Variants in NCOR1 observed in about 807,000 individuals in gnomAD.
The protein encoded by NCOR1 is protein phosphatase 1, regulatory subunit 109.
In NCOR1, 63 loss-of-function variants were observed where a neutral mutation model predicts 288.1. The ratio of observed to expected loss-of-function variants is 0.22; its 90% confidence interval spans 0.18 to 0.27. The LOEUF is 0.27. Ranked by LOEUF, NCOR1 falls within the 10% of genes least tolerant of loss-of-function variation. The pLI is 1.00. For missense variants in NCOR1, 2,397 were observed against 3,019.2 expected (o/e 0.79, Z 4.83); for synonymous variants, 1,007 against 1,065.9 (o/e 0.94, Z 1.08).
intron 43 of NCOR1, chr17:16,040,201 T>G: frequency 1.6e-6 from 1 of 617,452 alleles, no homozygotes; most frequent in South Asian, 1.5e-5. Context: ...TTCCCTAGTT[T>G]TGACAGTGTT....
chr17:16,164,789 A>G (rs138549025), intron 5 of NCOR1, 190 bp downstream of exon 5: 6 of 429,876 alleles, frequency 1.4e-5, no homozygotes, highest in African/African-American at 1.2e-4. Context: ...CTACAATCAT[A>G]TAATCAGACA....
chr17:16,161,382 C>A (rs1218901990), intron 5 of NCOR1, among the ~76,000 whole-genome samples: 1 of 152,044 alleles, frequency 6.6e-6, no homozygotes, highest in African/African-American at 2.4e-5. Flanking sequence ...CTCTGCCTCC[C>A]GGGTTCAGGT....
chr17:16,151,081 T>G (rs1443853907), intron 8 of NCOR1, among the ~76,000 whole-genome samples: 1 of 151,588 alleles, frequency 6.6e-6, no homozygotes, highest in Middle Eastern at 3.2e-3. Context: ...ATGTGCTCAT[T>G]AGTAACCATA....
intron 42 of NCOR1, chr17:16,044,652 A>G (rs2058357416): frequency 1.5e-6 from 1 of 648,386 alleles, no homozygotes; most frequent in South Asian, 1.4e-5. Context: ...GCCTGCATCT[A>G]CTCAGCCCTC....
chr17:16,138,736 T>C (rs1396864316), intron 12 of NCOR1, among the ~76,000 whole-genome samples: 1 of 152,232 alleles, frequency 6.6e-6, no homozygotes, highest in Non-Finnish European at 1.5e-5. Context: ...TAGAAATCTG[T>C]ACTTTATAAA....
intron 1 of NCOR1, among the ~76,000 whole-genome samples, chr17:16,212,240 T>A (rs1354406548): frequency 6.6e-6 from 1 of 150,754 alleles, no homozygotes; most frequent in East Asian, 1.9e-4. Flanking sequence ...CCCTCCAGCC[T>A]GGGTGACAAG....
intron 19 of NCOR1, among the ~76,000 whole-genome samples, chr17:16,104,330 C>T (rs950940965): frequency 6.6e-6 from 1 of 152,202 alleles, no homozygotes; most frequent in Non-Finnish European, 1.5e-5. Context: ...AAAAAAACTT[C>T]TACAAATTCA....
intron 4 of NCOR1, among the ~76,000 whole-genome samples, chr17:16,168,479 G>T (rs1231128079): frequency 1.3e-5 from 2 of 151,976 alleles, no homozygotes; most frequent in Admixed American, 1.3e-4. Flanking sequence ...GGGATTACAG[G>T]CGTGAGCCAC....
At chr17:16,152,075 T>C in intron 7 of NCOR1, 77 bp from the exon 8 acceptor site, 2 of 1,007,360 alleles carry the variant, frequency 2.0e-6, no homozygotes, top group Admixed American at 2.5e-5. Context: ...ATAATTTTAA[T>C]GTAAGCACAG....
At chr17:16,118,608 C>T (rs1173067516) in intron 17 of NCOR1, among the ~76,000 whole-genome samples, 2 of 152,142 alleles carry the variant, frequency 1.3e-5, no homozygotes, top group South Asian at 2.1e-4. Context: ...TAAACACACA[C>T]ATACGTGCAA....
intron 21 of NCOR1, among the ~76,000 whole-genome samples, chr17:16,092,320 T>C (rs2065302079): frequency 6.6e-6 from 1 of 151,958 alleles, no homozygotes; most frequent in Admixed American, 6.6e-5. Context: ...TGTATCTTTG[T>C]ACCAAAAATA....
intron 18 of NCOR1, among the ~76,000 whole-genome samples, chr17:16,115,006 C>T (rs917239101): frequency 6.6e-6 from 1 of 152,148 alleles, no homozygotes; most frequent in African/African-American, 2.4e-5. Context: ...TAGCAAACTT[C>T]TGCTTGAACA....
In NCOR1 at chr17:16,168,326, G is replaced by A. The variant is rs539842386; in HGVS notation, c.436-3165C>T. ...AGCGATTCTCTTGCCTCAGCCTCCC[G>A]AGTAGCTGGGATTACAGGCGCCTGC... On this transcript the variant is annotated intron_variant, in intron 4 of 45. Transcript: ENST00000268712. 2.1e-4 allele frequency among the ~76,000 whole-genome samples: 32 copies of A among 151,994 alleles called. No homozygotes were observed. The South Asian group carries it at 2.7e-3, about 13-fold the overall frequency.
chr17:16,088,042 T>A (rs2064524947), intron 22 of NCOR1, among the ~76,000 whole-genome samples: 1 of 152,182 alleles, frequency 6.6e-6, no homozygotes. Flanking sequence ...GTAAAACTCA[T>A]TTGTAACCCT....
intron 14 of NCOR1, among the ~76,000 whole-genome samples, chr17:16,127,652 T>C (rs906126588): frequency 1.4e-5 from 2 of 146,822 alleles, no homozygotes; most frequent in Non-Finnish European, 3.0e-5. Flanking sequence ...TGTGTATGTG[T>C]ATATATACAT....
intron 5 of NCOR1, 107 bp from the exon 6 acceptor site, chr17:16,158,980 T>C: frequency 6.6e-6 from 4 of 608,010 alleles, no homozygotes; most frequent in Non-Finnish European, 1.1e-5. Context: ...GCAGATTCTG[T>C]AGGGTAACCA....
intron 3 of NCOR1, among the ~76,000 whole-genome samples, chr17:16,181,207 A>ATATGTGTGTG (rs1555787631): frequency 1.2e-5 from 1 of 85,720 alleles, no homozygotes; most frequent in African/African-American, 4.4e-5. Flanking sequence ...ATACATATAT[A>ATATGTGTGTG]TGTATGTGTG....
At chr17:16,070,820 A>C (rs1488801778) in intron 30 of NCOR1, among the ~76,000 whole-genome samples, 1 of 152,200 alleles carries the variant, frequency 6.6e-6, no homozygotes, top group Non-Finnish European at 1.5e-5. Context: ...ACCTGAGGTC[A>C]GGAGTTCGAA....
At chr17:16,039,010 C>G (rs1022235180) in intron 44 of NCOR1, among the ~76,000 whole-genome samples, 3 of 152,226 alleles carry the variant, frequency 2.0e-5, no homozygotes, top group African/African-American at 7.2e-5. Context: ...ACCTTGTGAT[C>G]CGCCCGCCTC....
Sources: gnomAD v4.1 joint callset for allele counts (sites outside exome capture counted in the v4.1 genomes callset) on GRCh38, gnomAD v4.1.1 for gene constraint, MANE v1.5 for transcripts, NCBI Gene and HGNC (gene_info 2026-07-23, HGNC 2026-07-21) for gene names.